MALRD1: variants seen among roughly 807,000 people sequenced by gnomAD.
The protein encoded by MALRD1 is MAM and LDL-receptor class A domain-containing protein 1.
Under a neutral mutation model 242.1 loss-of-function variants are expected in MALRD1, and 247 were observed. The observed-to-expected ratio is 1.02, with a 90% CI of 0.92 to 1.13. The LOEUF (loss-of-function observed/expected upper bound fraction) is 1.13, where lower values mean the gene tolerates loss of function less well. Ranked by LOEUF, MALRD1 falls within the 50% of genes most tolerant of loss-of-function variation. The pLI is 0.00. For synonymous variants in MALRD1, 995 were observed against 866.6 expected, an observed-to-expected ratio of 1.15 and a Z score of -2.60; for missense variants, 2,989 against 2,533.1, an observed-to-expected ratio of 1.18 and a Z score of -3.86.
rs1294674726 is a variant in MALRD1 at position 19,181,469 on chromosome 10, GCATGATCTC to G, written c.1951+6142_1951+6150del. Among the ~76,000 whole-genome samples, 13 of 152,146 alleles carry G rather than the reference GCATGATCTC, an allele frequency of 8.5e-5. No individual in the cohort carries two copies. In the East Asian group the frequency reaches 2.1e-3, roughly 25 times the overall value. ...AGCCAAACACAAGAAGGAAAATATTGCATGATCTCAATTATGGGTGGCATCTAAAAATTA... is the reference window on the plus strand; with the variant it reads ...AGCCAAACACAAGAAGGAAAATATTGAATTATGGGTGGCATCTAAAAATTA... On this transcript the variant is annotated intron_variant, in intron 14 of 39. Transcript: ENST00000454679.
intron 5 of MALRD1, among the ~76,000 whole-genome samples, chr10:19,121,976 G>A (rs954344131): frequency 1.3e-5 from 2 of 152,196 alleles, no homozygotes; most frequent in Non-Finnish European, 2.9e-5. Flanking sequence ...TCATGAATAC[G>A]AAGTCATTTC....
intron 2 of MALRD1, among the ~76,000 whole-genome samples, chr10:19,086,854 T>C (rs1835685245): frequency 6.6e-6 from 1 of 152,064 alleles, no homozygotes; most frequent in Admixed American, 6.6e-5. Flanking sequence ...TGTTTCTGTG[T>C]CTCTTTGTCT....
At chr10:19,280,829 A>T (rs1197136278) in intron 20 of MALRD1, among the ~76,000 whole-genome samples, 1 of 152,252 alleles carries the variant, frequency 6.6e-6, no homozygotes, top group Non-Finnish European at 1.5e-5. Context: ...TAAGAGGAGA[A>T]AAATTAATCT....
intron 21 of MALRD1, among the ~76,000 whole-genome samples, chr10:19,294,193 G>A (rs1056387395): frequency 6.6e-6 from 1 of 152,060 alleles, no homozygotes; most frequent in Non-Finnish European, 1.5e-5. Flanking sequence ...CTTTAAATAT[G>A]CTTTTCCTTT....
Position 19,310,007 on chromosome 10 carries a change from A to G in MALRD1, c.3420-13942A>G, listed in dbSNP as rs149359390. Among the ~76,000 whole-genome samples, 1,017 of 151,622 alleles carry G rather than the reference A, an allele frequency of 6.7e-3. 13 individuals are homozygous for G. Among genetic ancestry groups the G allele is most frequent in the African/African-American group, 0.023 (943 of 41,460 alleles). The stretch of plus-strand genomic sequence containing the variant: ...AAGAGACCAGCTCCCACAGTGAGTC[A>G]GGGAGGAAAGGGATTGGAGTTGTGG... On this transcript the variant is annotated intron_variant, in intron 21 of 39. Coordinates refer to ENST00000454679, the MANE Select transcript of MALRD1 (RefSeq NM_001142308.3).
Position 19,209,354 on chromosome 10 carries a change from G to C in MALRD1, c.2665G>C (p.Gly889Arg). The change falls in exon 18 of 40, where the codon GGT becomes CGT. Residue 889 changes from glycine to arginine, a missense_variant. Physicochemically the swap from Gly to Arg is moderately radical, Grantham distance 125 (BLOSUM62 -2). Coordinates refer to ENST00000454679, the MANE Select transcript of MALRD1 (RefSeq NM_001142308.3). ...TGACTTTGATTGGACCAGGAGCCAG[G>C]GTCCAACTCCAACACTTAACACAGG... The part of the protein sequence containing the change: ...KDDFDWTRSQ[G>R]PTPTLNTGPM... The C allele has an allele frequency of 6.4e-7, 1 of 1,550,718 alleles. No individual in the cohort carries two copies. The highest frequency in any genetic ancestry group is 8.7e-7 in the Non-Finnish European group (1 of 1,147,004).
At chr10:19,066,605 A>G in intron 1 of MALRD1, 114 bp from the exon 2 acceptor site, 1 of 786,706 alleles carries the variant, frequency 1.3e-6, no homozygotes, top group Non-Finnish European at 1.7e-6. Context: ...TATAAGGAAT[A>G]ATCTTTATGT....
At chr10:19,205,851 C>T (rs982553460) in intron 17 of MALRD1, among the ~76,000 whole-genome samples, 37 of 151,260 alleles carry the variant, frequency 2.4e-4, no homozygotes, top group African/African-American at 7.8e-4. Flanking sequence ...GAACCTAGCT[C>T]CAGAATTGCC....
chr10:19,706,004 G>A (rs1022517673), intron 38 of MALRD1, among the ~76,000 whole-genome samples: 1 of 152,056 alleles, frequency 6.6e-6, no homozygotes, highest in African/African-American at 2.4e-5. Flanking sequence ...GGATACTGAA[G>A]AGCCAGCAGT....
At chr10:19,562,389 T>G (rs1191287971) in intron 32 of MALRD1, among the ~76,000 whole-genome samples, 2 of 151,968 alleles carry the variant, frequency 1.3e-5, no homozygotes, top group Non-Finnish European at 2.9e-5. Flanking sequence ...TGATGAGACT[T>G]CTGGAAGTAA....
In MALRD1 at chr10:19,554,414, T is replaced by C. The variant is rs150077265; in HGVS notation, c.5479-13088T>C. 4.7e-3 allele frequency among the ~76,000 whole-genome samples: 722 copies of C among 152,206 alleles called. 4 individuals carry two copies. Among genetic ancestry groups the C allele is most frequent in the Non-Finnish European group, 8.0e-3 (541 of 67,992 alleles). On this transcript the variant is annotated intron_variant, in intron 32 of 39. Transcript: ENST00000454679. Reference sequence around the variant, plus strand: ...TAAATTTTTATTTTAAGTTCCAGGGTACATGCGCAGGATGTGCAGCTTTGT... The same window carrying C: ...TAAATTTTTATTTTAAGTTCCAGGGCACATGCGCAGGATGTGCAGCTTTGT...
rs371521632 is a variant in MALRD1 at position 19,627,339 on chromosome 10, C to T, written c.6137+11416C>T. On this transcript the variant is annotated intron_variant, in intron 36 of 39. Transcript: ENST00000454679. ...CTGTAAAATAAAAGATAAACAGATTCGAAAACTTGATCACATGGATGATGC... is the reference window on the plus strand; with the variant it reads ...CTGTAAAATAAAAGATAAACAGATTTGAAAACTTGATCACATGGATGATGC... Among the ~76,000 whole-genome samples, 13 of 151,924 alleles carry T rather than the reference C, an allele frequency of 8.6e-5. No individual in the cohort carries two copies. In the East Asian group the frequency reaches 1.4e-3, roughly 16 times the overall value.
At chr10:19,503,965 A>G (rs541650129) in intron 31 of MALRD1, among the ~76,000 whole-genome samples, 1 of 152,338 alleles carries the variant, frequency 6.6e-6, no homozygotes, top group African/African-American at 2.4e-5. Flanking sequence ...TGACAAGAGC[A>G]TACAAGCTTA....
At chr10:19,143,577 C>T (rs1040308176) in intron 10 of MALRD1, among the ~76,000 whole-genome samples, 1 of 152,160 alleles carries the variant, frequency 6.6e-6, no homozygotes, top group African/African-American at 2.4e-5. Context: ...GGACAACAGG[C>T]ATGCATTGAG....
intron 28 of MALRD1, among the ~76,000 whole-genome samples, chr10:19,417,732 C>T (rs1833564524): frequency 6.6e-6 from 1 of 152,106 alleles, no homozygotes; most frequent in Admixed American, 6.6e-5. Flanking sequence ...TGAGATCATT[C>T]ATTTTTAGGT....
intron 33 of MALRD1, among the ~76,000 whole-genome samples, chr10:19,587,008 A>C (rs368766150): frequency 3.6e-4 from 55 of 152,172 alleles, no homozygotes; most frequent in Non-Finnish European, 6.6e-4. Context: ...GTCTGTCACC[A>C]CTTTCTTTGA....
intron 29 of MALRD1, among the ~76,000 whole-genome samples, chr10:19,452,409 G>T (rs1835381969): frequency 6.6e-6 from 1 of 152,140 alleles, no homozygotes; most frequent in South Asian, 2.1e-4. Flanking sequence ...CTTACGTTTA[G>T]TGATCAACTG....
chr10:19,079,327 A>G (rs2358291), intron 2 of MALRD1, among the ~76,000 whole-genome samples: 11,207 of 151,770 alleles, frequency 0.074, 592 homozygotes, highest in East Asian at 0.27. Flanking sequence ...TCATTCTGTT[A>G]TACCTGGAGA....
intron 36 of MALRD1, among the ~76,000 whole-genome samples, chr10:19,676,558 G>A (rs1474583221): frequency 6.6e-6 from 1 of 152,150 alleles, no homozygotes. Context: ...GAATAATGCA[G>A]CCAAATGTGT....
Sources: allele counts gnomAD v4.1 joint callset (sites outside exome capture counted in the v4.1 genomes callset), GRCh38; gene constraint gnomAD v4.1.1; transcripts MANE v1.5; gene names NCBI Gene and HGNC (gene_info 2026-07-23, HGNC 2026-07-21).